Variants in REC114 observed in about 807,000 individuals in gnomAD.
REC114 encodes meiotic recombination protein REC114.
A neutral mutation model predicts 31.3 loss-of-function variants in REC114; 27 were observed. The observed-to-expected ratio is 0.86, with a 90% CI of 0.64 to 1.19. The LOEUF (loss-of-function observed/expected upper bound fraction) is 1.19, where lower values mean the gene tolerates loss of function less well. REC114 is among the 50% of genes most tolerant of loss of function. REC114 has a pLI of 0.00. For synonymous variants in REC114, 134 were observed against 127.7 expected, an observed-to-expected ratio of 1.05 and a Z score of -0.33; for missense variants, 344 against 326.9, an observed-to-expected ratio of 1.05 and a Z score of -0.40.
chr15:73,550,921 T>C lies in REC114; in HGVS notation c.334-17T>C, dbSNP rs751298561. 6.8e-6 allele frequency: 11 copies of C among 1,612,648 alleles called. No individual in the cohort carries two copies. The highest frequency in any genetic ancestry group is 3.3e-4 in the Middle Eastern group (2 of 6,050). On this transcript the variant is annotated splice_polypyrimidine_tract_variant and intron_variant, in intron 3 of 5. Transcript: ENST00000331090. ...ATGATGAGGGTCTCTCATGATAACTTTTGATTTGTCAAACAGGACAAGAGT... is the reference window on the plus strand; with the variant it reads ...ATGATGAGGGTCTCTCATGATAACTCTTGATTTGTCAAACAGGACAAGAGT...
intron 2 of REC114, among the ~76,000 whole-genome samples, chr15:73,491,286 A>ATTTTTTGTATTATCTTTGTGTATTATC (rs1243409058): frequency 1.3e-5 from 2 of 151,614 alleles, no homozygotes; most frequent in East Asian, 3.9e-4. Flanking sequence ...TATTATCTTA[A>ATTTTTTGTATTATCTTTGTGTATTATC]TTTTGTGTAT....
At chr15:73,556,473 T>C in intron 5 of REC114, 82 bp downstream of exon 5, 3 of 1,174,030 alleles carry the variant, frequency 2.6e-6, no homozygotes, top group South Asian at 1.5e-5. Flanking sequence ...TTCAATTCTT[T>C]GTTTTAGGAG....
intron 2 of REC114, among the ~76,000 whole-genome samples, chr15:73,514,251 C>T (rs1471936871): frequency 6.6e-6 from 1 of 151,414 alleles, no homozygotes; most frequent in Non-Finnish European, 1.5e-5. Flanking sequence ...AAAGGGAACT[C>T]CCTGACCCCT....
chr15:73,453,134 G>A (rs796741636), intron 1 of REC114, among the ~76,000 whole-genome samples: 2 of 152,140 alleles, frequency 1.3e-5, no homozygotes, highest in African/African-American at 4.8e-5. Flanking sequence ...TTGACAAATG[G>A]GATCTAATTA....
chr15:73,515,267 A>G (rs1893842097), intron 2 of REC114, among the ~76,000 whole-genome samples: 1 of 152,140 alleles, frequency 6.6e-6, no homozygotes, highest in Non-Finnish European at 1.5e-5. Flanking sequence ...AATACATCCA[A>G]ATAACTTATT....
intron 2 of REC114, among the ~76,000 whole-genome samples, chr15:73,513,539 AGT>A (rs1405275344): frequency 6.7e-6 from 1 of 149,004 alleles, no homozygotes; most frequent in Non-Finnish European, 1.5e-5. Flanking sequence ...TAGAGTTTCC[AGT>A]TTTTCTGTTC....
At chr15:73,540,695 A>G (rs990171164) in intron 3 of REC114, 127 bp downstream of exon 3, 14 of 813,514 alleles carry the variant, frequency 1.7e-5, no homozygotes, top group African/African-American at 5.1e-5. Flanking sequence ...AAAGGTTTGT[A>G]CTATGAGAAA....
chr15:73,443,238 C>A lies in REC114; in HGVS notation c.53C>A (p.Ala18Glu). Reference protein sequence around the residue: ...PLSLGLTGGEAAEWPLQRYAR... With the variant: ...PLSLGLTGGEEAEWPLQRYAR... Reference sequence around the variant, plus strand: ...AGCCTCGGGCTTACCGGAGGAGAAGCGGCAGAGTGGCCTCTGCAGCGGTAC... The same window carrying A: ...AGCCTCGGGCTTACCGGAGGAGAAGAGGCAGAGTGGCCTCTGCAGCGGTAC... Residue 18 changes from alanine (A) to glutamate (E), a missense_variant, in exon 1 of 6, where the codon GCG (alanine) becomes GAG (glutamate). Transcript: ENST00000331090. The A allele has an allele frequency of 6.4e-7, 1 of 1,574,250 alleles. No individual in the cohort carries two copies. The highest frequency in any genetic ancestry group is 8.6e-7 in the Non-Finnish European group (1 of 1,160,842).
intron 1 of REC114, among the ~76,000 whole-genome samples, chr15:73,450,623 G>T (rs1012972277): frequency 5.9e-5 from 9 of 152,080 alleles, no homozygotes; most frequent in Admixed American, 5.9e-4. Flanking sequence ...CTCAGCTCTG[G>T]ACCAAGTGAA....
At chr15:73,551,555 G>A (rs558486044) in intron 4 of REC114, among the ~76,000 whole-genome samples, 8 of 152,316 alleles carry the variant, frequency 5.3e-5, no homozygotes, top group African/African-American at 1.9e-4. Flanking sequence ...AGATCAGGCA[G>A]TGGCACCAAA....
intron 2 of REC114, among the ~76,000 whole-genome samples, chr15:73,488,684 G>T (rs530413245): frequency 2.0e-5 from 3 of 152,262 alleles, no homozygotes; most frequent in African/African-American, 7.2e-5. Flanking sequence ...TTATCCAAAT[G>T]GTCTTTACTG....
At chr15:73,497,568 G>A (rs1276403934) in intron 2 of REC114, among the ~76,000 whole-genome samples, 1 of 151,976 alleles carries the variant, frequency 6.6e-6, no homozygotes, top group Non-Finnish European at 1.5e-5. Flanking sequence ...TCACCTTTAG[G>A]CAAAATATTC....
intron 1 of REC114, among the ~76,000 whole-genome samples, chr15:73,463,673 TA>T (rs1179984702): frequency 6.6e-6 from 1 of 152,136 alleles, no homozygotes; most frequent in Non-Finnish European, 1.5e-5. Flanking sequence ...ATACAAAACT[TA>T]GCTGGGTATG....
intron 2 of REC114, among the ~76,000 whole-genome samples, chr15:73,505,046 T>C (rs1012311845): frequency 1.3e-5 from 2 of 152,090 alleles, no homozygotes; most frequent in Non-Finnish European, 1.5e-5. Flanking sequence ...GACCTTTTTT[T>C]TTCCTTATCT....
chr15:73,547,595 T>A (rs1894327843), intron 3 of REC114, among the ~76,000 whole-genome samples: 1 of 152,188 alleles, frequency 6.6e-6, no homozygotes, highest in Non-Finnish European at 1.5e-5. Context: ...TGCACCCCCA[T>A]GTTTGTTGCA....
At chr15:73,536,551 A>G (rs1894159418) in intron 2 of REC114, among the ~76,000 whole-genome samples, 1 of 152,228 alleles carries the variant, frequency 6.6e-6, no homozygotes, top group African/African-American at 2.4e-5. Flanking sequence ...AAAGTCAGGA[A>G]AAGCTACAGA....
rs149323070 is a variant in REC114, at chr15:73,490,155, C to A, written c.249+16234C>A. Among the ~76,000 whole-genome samples, 245 of 152,284 alleles carry A rather than the reference C, an allele frequency of 1.6e-3. 1 individual carries two copies. Among genetic ancestry groups the A allele is most frequent in the African/African-American group, 5.6e-3 (233 of 41,556 alleles). ...AGAATGTTTATAAGCATTGGATTTACATCTGCATTTTTTTCAAAGACAGAA... is the reference window on the plus strand; with the variant it reads ...AGAATGTTTATAAGCATTGGATTTAAATCTGCATTTTTTTCAAAGACAGAA... On this transcript the variant is annotated intron_variant, in intron 2 of 5. Coordinates refer to ENST00000331090, the MANE Select transcript of REC114 (RefSeq NM_001042367.2).
intron 2 of REC114, among the ~76,000 whole-genome samples, chr15:73,537,112 A>C (rs1414371956): frequency 2.0e-5 from 3 of 152,246 alleles, no homozygotes; most frequent in Non-Finnish European, 4.4e-5. Flanking sequence ...ATTAGCGAGC[A>C]AAACGAACTT....
intron 5 of REC114, among the ~76,000 whole-genome samples, chr15:73,559,005 A>G (rs1894524113): frequency 6.6e-6 from 1 of 152,258 alleles, no homozygotes; most frequent in Non-Finnish European, 1.5e-5. Flanking sequence ...ATCATGGATT[A>G]ATCCCAAATG....
Sources: gnomAD v4.1 joint callset for allele counts (sites outside exome capture counted in the v4.1 genomes callset) on GRCh38, gnomAD v4.1.1 for gene constraint, MANE v1.5 for transcripts, NCBI Gene and HGNC (gene_info 2026-07-23, HGNC 2026-07-21) for gene names.